DRC7: variants seen among roughly 807,000 people sequenced by gnomAD.
DRC7 encodes the protein coiled-coil domain containing 135.
DRC7 carries 80 observed loss-of-function variants against 104.4 expected under a neutral mutation model. The ratio of observed to expected loss-of-function variants is 0.77; its 90% CI spans 0.64 to 0.92. DRC7 has a LOEUF of 0.92. DRC7 is among the 40% of genes least tolerant of loss of function. The pLI is 0.00. For synonymous variants in DRC7, 405 were observed against 447.3 expected, an observed-to-expected ratio of 0.91 and a Z score of 1.19; for missense variants, 1,034 against 1,141.1, an observed-to-expected ratio of 0.91 and a Z score of 1.35.
At chr16:57,696,347 C>G (rs1160247074) in intron 1 of DRC7, 117 bp from the exon 2 acceptor site, 1 of 152,256 alleles carries the variant, frequency 6.6e-6, no homozygotes, top group East Asian at 1.9e-4. Context: ...TCATGTGTGG[C>G]CACCTCATGG....
chr16:57,728,393 C>T lies in DRC7; in HGVS notation c.2200C>T (p.Arg734Cys), dbSNP rs199589859. 1.1e-5 allele frequency: 17 copies of T among 1,593,576 alleles called. 1 individual carries two copies. The highest frequency in any genetic ancestry group is 6.8e-5 in the South Asian group (6 of 88,676). Reference protein sequence around the residue: ...KSKEYREAMERMMHEEHLRQV... With the variant: ...KSKEYREAMECMMHEEHLRQV... ...TATCTGCCCCTCACCTTTACAGGAG[C>T]GCATGATGCACGAAGAGCACCTGCG... is the stretch of plus-strand genomic sequence containing the variant. Residue 734 changes from arginine to cysteine, a missense_variant, in exon 17 of 19, where the codon CGC (arginine) becomes TGC (cysteine). Coordinates refer to ENST00000360716, the MANE Select transcript of DRC7 (RefSeq NM_001289162.2).
At chr16:57,721,878 C>A in intron 10 of DRC7, 139 bp downstream of exon 10, 1 of 577,462 alleles carries the variant, frequency 1.7e-6, no homozygotes, top group Non-Finnish European at 3.1e-6. Flanking sequence ...TTCAGCTGCA[C>A]CCTCCCTCCC....
intron 8 of DRC7, among the ~76,000 whole-genome samples, chr16:57,714,538 AT>A (rs1176399578): frequency 2.6e-5 from 4 of 151,942 alleles, no homozygotes; most frequent in Admixed American, 6.6e-5. Context: ...AGGTGGGACG[AT>A]TGCTTGAGCC....
intron 6 of DRC7, among the ~76,000 whole-genome samples, chr16:57,703,164 C>T (rs2048677209): frequency 6.7e-6 from 1 of 148,970 alleles, no homozygotes; most frequent in Admixed American, 6.7e-5. Flanking sequence ...TAGGCCTGAG[C>T]CACCGTGCCT....
rs1286019126 is a variant in DRC7 at position 57,702,265 on chromosome 16, A to C, written c.699+135A>C. 3 of 801,386 alleles carry C rather than the reference A, an allele frequency of 3.7e-6. No individual in the cohort carries two copies. The Admixed American group carries it at 7.8e-5, about 21-fold the overall frequency. 49.6% of individuals were successfully genotyped at this position (801,386 alleles called of 1,614,324 possible). On this transcript the variant is annotated intron_variant, in intron 6 of 18. Transcript: ENST00000360716. ...ACGCGGACACAGATCCCTCACCACC[A>C]GCCCTTCCGCTGCCCTGGAGTTCAT... is the stretch of plus-strand genomic sequence containing the variant.
At chr16:57,726,811 C>G in intron 14 of DRC7, 21 bp from the exon 15 acceptor site, 1 of 1,530,134 alleles carries the variant, frequency 6.5e-7, no homozygotes, top group Non-Finnish European at 9.0e-7. Context: ...CTCTGTGTTA[C>G]TAAGGTGGTT....
intron 8 of DRC7, among the ~76,000 whole-genome samples, chr16:57,716,589 C>T (rs1396201785): frequency 6.6e-6 from 1 of 152,042 alleles, no homozygotes; most frequent in African/African-American, 2.4e-5. Flanking sequence ...GCCACAGTCG[C>T]TGTGACATCT....
chr16:57,729,987 C>T (rs1158898802), intron 17 of DRC7, among the ~76,000 whole-genome samples: 18 of 105,708 alleles, frequency 1.7e-4, no homozygotes, highest in Non-Finnish European at 2.8e-4. Flanking sequence ...GATAGATGGA[C>T]GGTTGGATGG....
At chr16:57,726,344 T>G (rs1307394234) in intron 14 of DRC7, 61 bp downstream of exon 14, 1 of 1,425,934 alleles carries the variant, frequency 7.0e-7, no homozygotes, top group Non-Finnish European at 9.8e-7. Flanking sequence ...GCTCTCTGTC[T>G]TATTCCAGCC....
intron 13 of DRC7, 158 bp from the exon 14 acceptor site, chr16:57,725,904 ACGAAAT>A (rs2148770299): frequency 1.5e-6 from 1 of 646,094 alleles, no homozygotes; most frequent in South Asian, 1.8e-5. Flanking sequence ...CTGAGAACCC[ACGAAAT>A]CCATTGTCTG....
At chr16:57,721,819 G>A in intron 10 of DRC7, 80 bp downstream of exon 10, 1 of 1,039,242 alleles carries the variant, frequency 9.6e-7, no homozygotes, top group Non-Finnish European at 1.5e-6. Context: ...CAGCGAGGCA[G>A]GGGGACACAG....
intron 7 of DRC7, among the ~76,000 whole-genome samples, 187 bp downstream of exon 7, chr16:57,705,221 G>A (rs144219157): frequency 3.0e-4 from 46 of 152,212 alleles, no homozygotes; most frequent in Non-Finnish European, 5.9e-4. Context: ...AGCTTCTCAT[G>A]ATGGACTCCT....
intron 6 of DRC7, 71 bp from the exon 7 acceptor site, chr16:57,704,805 C>G: frequency 6.4e-7 from 1 of 1,563,752 alleles, no homozygotes; most frequent in East Asian, 2.2e-5. Flanking sequence ...GGGCGGGTCT[C>G]ACCTCTTGGA....
chr16:57,707,609 G>A lies in DRC7; in HGVS notation c.1008G>A (p.Leu336=). The A allele has an allele frequency of 7.4e-6, 12 of 1,613,582 alleles. No individual in the cohort carries two copies. The highest frequency in any genetic ancestry group is 1.0e-5 in the Non-Finnish European group (12 of 1,179,996). ...ACAGCACCCAGGATGAGCACTTCCT[G>A]GGCATCGAAAGCCTGTGGAACCACA... is the stretch of plus-strand genomic sequence containing the variant. The part of the protein sequence containing the change: ...HSYSTQDEHF[L]GIESLWNHKN... Residue 336 remains leucine, a synonymous_variant, in exon 8 of 19, where the codon CTG becomes CTA. Transcript: ENST00000360716.
Position 57,724,778 on chromosome 16 carries a change from A to AC in DRC7, c.1705dup (p.Arg569ProfsTer56). The AC allele has an allele frequency of 6.2e-7, 1 of 1,613,606 alleles. No homozygotes were observed. Among genetic ancestry groups the AC allele is most frequent in the Non-Finnish European group, 8.5e-7 (1 of 1,179,980 alleles). On this transcript the variant is annotated frameshift_variant, in exon 13 of 19. Coordinates refer to ENST00000360716, the MANE Select transcript of DRC7 (RefSeq NM_001289162.2). LOFTEE classifies it high-confidence loss of function. ...TCTCCTACCGCCATGCCAGCTTCGGACCCCGAGTCAAGAAGCTCACTCTGA... is the reference window on the plus strand; with the variant it reads ...TCTCCTACCGCCATGCCAGCTTCGGACCCCCGAGTCAAGAAGCTCACTCTGA...
rs2048967121 is a variant in DRC7, at chr16:57,726,469, A to T, written c.1974+186A>T. On this transcript the variant is annotated intron_variant, in intron 14 of 18. Transcript: ENST00000360716. ...CCCTTCTCTTTGAGCTCCTCTGAAA[A>T]TCTTCCTTTTCCACCAAAAAAGCGA... The T allele has an allele frequency of 1.1e-5, 7 of 613,492 alleles. No homozygotes were observed. In the South Asian group the frequency reaches 1.4e-4, roughly 12 times the overall value. 38.0% of individuals were successfully genotyped at this position (613,492 alleles called of 1,614,324 possible). A position where few individuals can be genotyped will look rare whatever the true frequency, so the allele number is the denominator to read the frequency against.
intron 8 of DRC7, among the ~76,000 whole-genome samples, chr16:57,713,305 T>C (rs1285966021): frequency 6.6e-6 from 1 of 152,254 alleles, no homozygotes; most frequent in Non-Finnish European, 1.5e-5. Flanking sequence ...TCTGCCTACA[T>C]TTCTTTCAAT....
At chr16:57,727,082 T>C in intron 15 of DRC7, 140 bp downstream of exon 15, 1 of 662,648 alleles carries the variant, frequency 1.5e-6, no homozygotes, top group Non-Finnish European at 2.7e-6. Flanking sequence ...CACCTCATCC[T>C]CCCAGGTAAC....
chr16:57,704,924 C>A lies in DRC7; in HGVS notation c.748C>A (p.Pro250Thr), dbSNP rs568545582. Reference protein sequence around the residue: ...KVLPKKYTIKPPRDLCSRFEQ... With the variant: ...KVLPKKYTIKTPRDLCSRFEQ... ...GCTGCCTAAGAAGTATACCATCAAA[C>A]CCCCCAGGGACCTGTGCAGCAGGTT... Residue 250 changes from proline (P) to threonine (T), a missense_variant, in exon 7 of 19, where the codon CCC becomes ACC. Transcript: ENST00000360716. 1.7e-5 allele frequency: 27 copies of A among 1,613,326 alleles called. No homozygotes were observed. In the South Asian group the frequency reaches 1.9e-4, roughly 11 times the overall value.
Sources: allele counts gnomAD v4.1 joint callset (sites outside exome capture counted in the v4.1 genomes callset), GRCh38; gene constraint gnomAD v4.1.1; transcripts MANE v1.5; gene names NCBI Gene and HGNC (gene_info 2026-07-23, HGNC 2026-07-21).